The following RPRD2 variants were observed in gnomAD, a reference collection of about 807,000 sequenced individuals.
RPRD2 encodes the protein regulation of nuclear pre-mRNA domain-containing protein 2.
RPRD2 carries 12 observed loss-of-function variants against 104.4 expected under a neutral mutation model. The observed-to-expected ratio is 0.11, with a 90% CI of 0.07 to 0.19. The LOEUF (loss-of-function observed/expected upper bound fraction) is 0.19, where lower values mean the gene tolerates loss of function less well. Among genes scored for constraint, RPRD2 ranks in the 10% least tolerant of loss-of-function variants. The pLI is 1.00. For missense variants in RPRD2, 1,543 were observed against 1,790.1 expected, an observed-to-expected ratio of 0.86 and a Z score of 2.49; for synonymous variants, 714 against 684.9, an observed-to-expected ratio of 1.04 and a Z score of -0.66.
chr1:150,463,552 GTTTC>G (rs1668076645), intron 9 of RPRD2, among the ~76,000 whole-genome samples: 1 of 151,558 alleles, frequency 6.6e-6, no homozygotes, highest in Admixed American at 6.6e-5. Flanking sequence ...TCTCACTTAA[GTTTC>G]TTTGTGAAAT....
intron 8 of RPRD2, among the ~76,000 whole-genome samples, chr1:150,459,226 G>C (rs1553898267): frequency 6.6e-6 from 1 of 152,116 alleles, no homozygotes; most frequent in East Asian, 1.9e-4. Context: ...ATGCACTATT[G>C]ATACAGCCCT....
intron 7 of RPRD2, among the ~76,000 whole-genome samples, chr1:150,450,139 A>C (rs1191346667): frequency 6.6e-6 from 1 of 152,104 alleles, no homozygotes; most frequent in Non-Finnish European, 1.5e-5. Flanking sequence ...TTTCTGGTAA[A>C]ATTTATTCAT....
intron 1 of RPRD2, among the ~76,000 whole-genome samples, chr1:150,378,095 TG>T (rs1259732282): frequency 6.6e-6 from 1 of 152,164 alleles, no homozygotes; most frequent in African/African-American, 2.4e-5. Flanking sequence ...ACAAGTATGT[TG>T]TTATTACTTA....
At chr1:150,445,491 G>C (rs1356676090) in intron 6 of RPRD2, among the ~76,000 whole-genome samples, 3 of 152,280 alleles carry the variant, frequency 2.0e-5, no homozygotes, top group African/African-American at 7.2e-5. Flanking sequence ...TTTTCTGAAC[G>C]TTACTTTTCT....
intron 1 of RPRD2, among the ~76,000 whole-genome samples, chr1:150,380,704 G>C (rs587680946): frequency 1.3e-5 from 2 of 150,898 alleles, no homozygotes; most frequent in Admixed American, 6.6e-5. Flanking sequence ...CGCCAGGCTG[G>C]AGTGCAATGG....
At chr1:150,402,899 C>T (rs1275814968) in intron 1 of RPRD2, among the ~76,000 whole-genome samples, 10 of 151,324 alleles carry the variant, frequency 6.6e-5, no homozygotes, top group African/African-American at 1.9e-4. Flanking sequence ...ACCCAGGAGG[C>T]GGAGGTTGCG....
rs113377463 is a variant in RPRD2 at position 150,464,852 on chromosome 1, T to TTTTA, written c.1612+150_1612+153dup. On this transcript the variant is annotated intron_variant, in intron 10 of 10. Transcript: ENST00000369068. Reference sequence around the variant, plus strand: ...TATAACACAGTTAATTCATTATTCTTTTTATTTATTTATTTATTTATTTAT... The same window carrying TTTTA: ...TATAACACAGTTAATTCATTATTCTTTTTATTTATTTATTTATTTATTTATTTAT... 4,081 of 462,490 alleles carry TTTTA rather than the reference T, an allele frequency of 8.8e-3. 44 individuals carry two copies. The highest frequency in any genetic ancestry group is 0.01 in the Non-Finnish European group (3,022 of 289,650). 28.6% of individuals were successfully genotyped at this position (462,490 alleles called of 1,614,324 possible).
At chr1:150,399,499 G>A (rs148044173) in intron 1 of RPRD2, among the ~76,000 whole-genome samples, 2,093 of 152,222 alleles carry the variant, frequency 0.014, 52 homozygotes, top group African/African-American at 0.048. Context: ...GCTCATGCCT[G>A]TAATCCCAGC....
chr1:150,372,708 G>A (rs1660409364), intron 1 of RPRD2, among the ~76,000 whole-genome samples: 2 of 152,238 alleles, frequency 1.3e-5, no homozygotes, highest in Middle Eastern at 3.4e-3. Context: ...GAGTAAGGAG[G>A]TATGATATTA....
In RPRD2 at chr1:150,388,493, C is replaced by CGCG. The variant is rs60455979; in HGVS notation, c.205+23574_205+23575insGCG. 6.3e-4 allele frequency among the ~76,000 whole-genome samples: 91 copies of CGCG among 145,090 alleles called. 2 individuals are homozygous for CGCG. The Middle Eastern group carries it at 0.018, about 28-fold the overall frequency. The stretch of plus-strand genomic sequence containing the variant: ...ATACACATACACTATATATATATAC[C>CGCG]CGCGCACACACACACACACACACAC... On this transcript the variant is annotated intron_variant, in intron 1 of 10. Transcript: ENST00000369068.
Position 150,364,646 on chromosome 1 carries a change from T to C in RPRD2, c.-69T>C. 1.2e-6 allele frequency: 1 copy of C among 803,368 alleles called. No homozygotes were observed. Among genetic ancestry groups the C allele is most frequent in the Non-Finnish European group, 2.0e-6 (1 of 504,426 alleles). 49.8% of individuals were successfully genotyped at this position (803,368 alleles called of 1,614,324 possible). A position where few individuals can be genotyped will look rare whatever the true frequency, so the allele number is the denominator to read the frequency against. ...CTTTCACGCACTCGCAGTGATTGTT[T>C]TGCCCGCTCCCGCCGCCGCCGCCGC... On this transcript the variant is annotated 5_prime_UTR_variant, in exon 1 of 11. Coordinates refer to ENST00000369068, the MANE Select transcript of RPRD2 (RefSeq NM_015203.5).
At chr1:150,431,473 ATTTTTTTTTT>A (rs1160491386) in intron 2 of RPRD2, among the ~76,000 whole-genome samples, 1 of 78,850 alleles carries the variant, frequency 1.3e-5, no homozygotes, top group South Asian at 6.2e-4. Flanking sequence ...AAAAGGAAGG[ATTTTTTTTTT>A]TTTTTTTTTT....
chr1:150,399,537 A>T (rs1662806686), intron 1 of RPRD2, among the ~76,000 whole-genome samples: 2 of 151,890 alleles, frequency 1.3e-5, no homozygotes, highest in African/African-American at 4.8e-5. Flanking sequence ...CGGGTGGATC[A>T]CCTGAGGTCA....
Position 150,464,807 on chromosome 1 carries a change from G to T in RPRD2, c.1612+80G>T, listed in dbSNP as rs73019028. 94 of 990,076 alleles carry T rather than the reference G, an allele frequency of 9.5e-5. 1 individual carries two copies. In the South Asian group the frequency reaches 1.3e-3, roughly 13 times the overall value. The allele number at this position is 990,076 out of a possible 1,614,324, so 61.3% of individuals were successfully genotyped here. On this transcript the variant is annotated intron_variant, in intron 10 of 10. Transcript: ENST00000369068. ...ATTAATCCTGGATTCCATTTCTGATGAATCCAGAGCCATAAAATGTATAAC... is the reference window on the plus strand; with the variant it reads ...ATTAATCCTGGATTCCATTTCTGATTAATCCAGAGCCATAAAATGTATAAC...
At chr1:150,384,495 G>GTTATTATTATTATTATT (rs1560155022) in intron 1 of RPRD2, among the ~76,000 whole-genome samples, 2 of 131,374 alleles carry the variant, frequency 1.5e-5, no homozygotes, top group African/African-American at 5.7e-5. Context: ...TTATTATTAG[G>GTTATTATTATTATTATT]GATGGAGCTC....
chr1:150,397,382 T>C (rs1396914347), intron 1 of RPRD2, among the ~76,000 whole-genome samples: 3 of 152,198 alleles, frequency 2.0e-5, no homozygotes, highest in Non-Finnish European at 4.4e-5. Flanking sequence ...CCTTTAAATG[T>C]ACAGTTCTAT....
Position 150,476,259 on chromosome 1 carries a change from A to C in RPRD2, c.*2925A>C, listed in dbSNP as rs1668885901. 2 of 152,328 alleles carry C rather than the reference A, an allele frequency of 1.3e-5. No homozygotes were observed. The highest frequency in any genetic ancestry group is 4.2e-4 in the South Asian group (2 of 4,816). The allele number at this position is 152,328 out of a possible 1,614,324, so 9.4% of individuals were successfully genotyped here. On this transcript the variant is annotated 3_prime_UTR_variant, in exon 11 of 11. Transcript: ENST00000369068. The stretch of plus-strand genomic sequence containing the variant: ...ATGGGTCCAGCAAACCTATCGAGAT[A>C]ATGTGAATACGATAAACTTCCTAAT...
chr1:150,441,194 G>A, intron 3 of RPRD2, 171 bp downstream of exon 3: 1 of 474,410 alleles, frequency 2.1e-6, no homozygotes, highest in Non-Finnish European at 3.7e-6. Flanking sequence ...GAATTAAAAT[G>A]TAAGTAGAAT....
Position 150,415,569 on chromosome 1 carries a change from CA to C in RPRD2, c.206-2026del, listed in dbSNP as rs782413669. Reference sequence around the variant, plus strand: ...AGGCATGGTGGCATGCCTGAAGTCCCAGCTACTCGAGAGGCTTGAGGTGGGA... The same window carrying C: ...AGGCATGGTGGCATGCCTGAAGTCCCGCTACTCGAGAGGCTTGAGGTGGGA... On this transcript the variant is annotated intron_variant, in intron 1 of 10. Coordinates refer to ENST00000369068, the MANE Select transcript of RPRD2 (RefSeq NM_015203.5). 2.6e-5 allele frequency among the ~76,000 whole-genome samples: 4 copies of C among 151,920 alleles called. No individual in the cohort carries two copies. In the South Asian group the frequency reaches 8.3e-4, roughly 32 times the overall value.
Sources: gnomAD v4.1 joint callset for allele counts (sites outside exome capture counted in the v4.1 genomes callset) on GRCh38, gnomAD v4.1.1 for gene constraint, MANE v1.5 for transcripts, NCBI Gene and HGNC (gene_info 2026-07-23, HGNC 2026-07-21) for gene names.